Variants in GATA4 observed in about 807,000 individuals in gnomAD.
The protein encoded by GATA4 is GATA binding protein 4.
Under a neutral mutation model 37.9 loss-of-function variants are expected in GATA4, and 7 were observed. The ratio of observed to expected loss-of-function variants is 0.18; its 90% CI spans 0.11 to 0.35. The LOEUF (loss-of-function observed/expected upper bound fraction) is 0.35, where lower values mean the gene tolerates loss of function less well. GATA4 is among the 10% of genes least tolerant of loss of function. GATA4 has a pLI of 1.00. For synonymous variants in GATA4, 372 were observed against 292.6 expected, an observed-to-expected ratio of 1.27 and a Z score of -2.77; for missense variants, 647 against 653.0, an observed-to-expected ratio of 0.99 and a Z score of 0.10.
chr8:11,687,583 A>C (rs752561447), intron 1 of GATA4, among the ~76,000 whole-genome samples: 8 of 152,246 alleles, frequency 5.3e-5, no homozygotes, highest in South Asian at 2.1e-4. Context: ...GTGTATTATT[A>C]GACCATTTCC....
chr8:11,680,465 C>G, intron 1 of GATA4: 1 of 985,412 alleles, frequency 1.0e-6, no homozygotes, highest in Non-Finnish European at 1.2e-6. Flanking sequence ...AAGGCCGAAG[C>G]CGGTTTGCTT....
upstream of GATA4, among the ~76,000 whole-genome samples, chr8:11,700,195 G>A (rs1799627103): frequency 6.6e-6 from 1 of 152,222 alleles, no homozygotes; most frequent in East Asian, 1.9e-4. Context: ...AAATATGAGA[G>A]GGTGTGCCAG....
At chr8:11,741,604 T>A (rs1801744411) in intron 2 of GATA4, among the ~76,000 whole-genome samples, 1 of 152,188 alleles carries the variant, frequency 6.6e-6, no homozygotes, top group Non-Finnish European at 1.5e-5. Context: ...CCTACATTTC[T>A]CCTGGAGCCA....
intron 4 of GATA4, among the ~76,000 whole-genome samples, chr8:11,752,527 T>A (rs1311372710): frequency 6.6e-6 from 1 of 152,232 alleles, no homozygotes; most frequent in Admixed American, 6.5e-5. Context: ...AAACCGCCCC[T>A]GTGACTCAGT....
chr8:11,698,181 C>G (rs766948088), intron 1 of GATA4, among the ~76,000 whole-genome samples: 3 of 152,172 alleles, frequency 2.0e-5, no homozygotes, highest in Non-Finnish European at 4.4e-5. Context: ...TCTGTGGTCT[C>G]TCTCCTTTCT....
chr8:11,693,074 C>G, intron 1 of GATA4: 1 of 985,176 alleles, frequency 1.0e-6, no homozygotes, highest in Middle Eastern at 5.2e-4. Flanking sequence ...GTTTTTCTAC[C>G]CGGCAACAAA....
intron 2 of GATA4, among the ~76,000 whole-genome samples, chr8:11,741,759 A>G (rs1416729398): frequency 6.6e-6 from 1 of 152,242 alleles, no homozygotes; most frequent in Non-Finnish European, 1.5e-5. Flanking sequence ...AGAAGCATTG[A>G]GACAGAGATG....
intron 2 of GATA4, among the ~76,000 whole-genome samples, chr8:11,734,029 A>G (rs529746398): frequency 7.3e-4 from 111 of 152,326 alleles, no homozygotes; most frequent in Admixed American, 5.6e-3. Flanking sequence ...ATTTCGGCCA[A>G]CTTGCAGCTG....
Position 11,680,500 on chromosome 8 carries a change from G to A in GATA4, c.-274+3437G>A, listed in dbSNP as rs570818185. The A allele has an allele frequency of 1.6e-4, 161 of 985,458 alleles. 1 individual carries two copies. Among genetic ancestry groups the A allele is most frequent in the East Asian group, 1.1e-3 (10 of 8,814 alleles). The allele number at this position is 985,458 out of a possible 1,614,324, so 61.0% of individuals were successfully genotyped here. ...TTGGATGCATTTCGATCAATCTGGC[G>A]CCACATGGGCCAGGTCACCTCGGAC... is the stretch of plus-strand genomic sequence containing the variant. On this transcript the variant is annotated intron_variant, in intron 1 of 6. Transcript: ENST00000528712.
At chr8:11,733,213 A>T (rs1289287271) in intron 2 of GATA4, among the ~76,000 whole-genome samples, 1 of 152,182 alleles carries the variant, frequency 6.6e-6, no homozygotes, top group African/African-American at 2.4e-5. Context: ...TCTTTATTCC[A>T]AACTCCCTCA....
rs914158191 is a variant in GATA4, at chr8:11,709,817, G to T, written c.616+889G>T. ...AACCTCCACTGATTCACAAATAAAC[G>T]CAGCGGGATCTGAGAAGGGGCCTGA... On this transcript the variant is annotated intron_variant, in intron 2 of 6. Coordinates refer to ENST00000532059, the MANE Select transcript of GATA4 (RefSeq NM_001308093.3). This position sits in a 1 kb window ranked among gnomAD's most constrained non-coding sequence, Gnocchi z 4.3. Among the ~76,000 whole-genome samples, 1 of 152,164 alleles carries T rather than the reference G, an allele frequency of 6.6e-6. No individual in the cohort carries two copies. Among genetic ancestry groups the T allele is most frequent in the African/African-American group, 2.4e-5 (1 of 41,436 alleles).
chr8:11,696,284 C>T (rs1320227436), intron 1 of GATA4, among the ~76,000 whole-genome samples: 1 of 152,158 alleles, frequency 6.6e-6, no homozygotes, highest in Non-Finnish European at 1.5e-5. Flanking sequence ...CAACTCTTCC[C>T]CCTCCTCAGC....
intron 2 of GATA4, among the ~76,000 whole-genome samples, chr8:11,737,389 G>A (rs1012559831): frequency 7.2e-5 from 11 of 152,348 alleles, no homozygotes; most frequent in Admixed American, 7.2e-4. Context: ...TCTCCCTGCA[G>A]ACCCATTGTC....
At chr8:11,745,311 C>T (rs551775367) in intron 2 of GATA4, among the ~76,000 whole-genome samples, 3 of 151,008 alleles carry the variant, frequency 2.0e-5, no homozygotes, top group South Asian at 4.2e-4. Flanking sequence ...TGGTGGCTCA[C>T]GCCCATAATC....
intron 1 of GATA4, among the ~76,000 whole-genome samples, chr8:11,693,554 C>CAGAGAGAGAGAGAGAG (rs1447123508): frequency 1.8e-5 from 2 of 113,210 alleles, no homozygotes; most frequent in African/African-American, 7.5e-5. Flanking sequence ...CACACACACA[C>CAGAGAGAGAGAGAGAG]ACACACACAG....
chr8:11,734,710 G>C (rs1462402493), intron 2 of GATA4, among the ~76,000 whole-genome samples: 1 of 152,062 alleles, frequency 6.6e-6, no homozygotes, highest in Non-Finnish European at 1.5e-5. Context: ...GTCTGGTCTC[G>C]AACTCTTGAC....
At chr8:11,740,082 C>T (rs1378026474) in intron 2 of GATA4, among the ~76,000 whole-genome samples, 1 of 152,180 alleles carries the variant, frequency 6.6e-6, no homozygotes, top group Non-Finnish European at 1.5e-5. Context: ...AGTGCTGATC[C>T]CCAGCCAGGG....
At chr8:11,751,945 C>G (rs1802324767) in intron 4 of GATA4, among the ~76,000 whole-genome samples, 1 of 152,180 alleles carries the variant, frequency 6.6e-6, no homozygotes. Context: ...TGTTGGGAAA[C>G]TAGCCTATAA....
At position 11,749,114 on chromosome 8, in the gene GATA4, G is replaced by A. The variant is rs972114542; in HGVS notation, c.786+29G>A. The stretch of plus-strand genomic sequence containing the variant: ...AGCACGTGCCTCGCAGCCTCCTCTG[G>A]GCACCTGGCTGCGGAGCTCTCGCCT... On this transcript the variant is annotated intron_variant, in intron 3 of 6. Coordinates refer to ENST00000532059, the MANE Select transcript of GATA4 (RefSeq NM_001308093.3). The surrounding 1 kb of genome is among the most constrained non-coding windows in gnomAD (Gnocchi z 4.6). 20 of 1,611,616 alleles carry A rather than the reference G, an allele frequency of 1.2e-5. No homozygotes were observed. Among genetic ancestry groups the A allele is most frequent in the Non-Finnish European group, 1.7e-5 (20 of 1,178,624 alleles).
Sources: gnomAD v4.1 joint callset for allele counts (sites outside exome capture counted in the v4.1 genomes callset) on GRCh38, gnomAD v4.1.1 for gene constraint, Gnocchi (gnomAD v3.1) non-coding constraint, MANE v1.5 for transcripts, NCBI Gene and HGNC (gene_info 2026-07-23, HGNC 2026-07-21) for gene names.